TDRD7: variants seen among roughly 807,000 people sequenced by gnomAD.
TDRD7 encodes tudor domain-containing protein 7.
A neutral mutation model predicts 109.8 loss-of-function variants in TDRD7; 47 were observed. The observed-to-expected ratio is 0.43, with a 90% CI of 0.34 to 0.55. TDRD7 has a LOEUF of 0.55. Among genes scored for constraint, TDRD7 ranks in the 20% least tolerant of loss-of-function variants. The pLI is 0.03. For synonymous variants in TDRD7, 424 were observed against 457.3 expected, an observed-to-expected ratio of 0.93 and a Z score of 0.93; for missense variants, 1,164 against 1,319.2, an observed-to-expected ratio of 0.88 and a Z score of 1.82.
intron 15 of TDRD7, among the ~76,000 whole-genome samples, chr9:97,486,299 T>C (rs1171708446): frequency 1.3e-5 from 2 of 152,216 alleles, no homozygotes; most frequent in East Asian, 1.9e-4. Context: ...TAATCATGTA[T>C]TTGAGACTAT....
intron 6 of TDRD7, among the ~76,000 whole-genome samples, chr9:97,451,964 A>G (rs893874956): frequency 1.3e-5 from 2 of 152,274 alleles, no homozygotes; most frequent in African/African-American, 4.8e-5. Flanking sequence ...TGTGTTTTCC[A>G]TACTCATAAC....
At chr9:97,488,502 G>T (rs771702573) in intron 16 of TDRD7, among the ~76,000 whole-genome samples, 2 of 151,220 alleles carry the variant, frequency 1.3e-5, no homozygotes, top group Non-Finnish European at 2.9e-5. Flanking sequence ...ACACTGTCAT[G>T]TAGCATGGCC....
intron 6 of TDRD7, among the ~76,000 whole-genome samples, chr9:97,457,967 T>A (rs905314763): frequency 3.3e-5 from 5 of 152,076 alleles, no homozygotes; most frequent in South Asian, 2.1e-4. Context: ...GAACAACACT[T>A]ACCAGGGCCT....
chr9:97,475,302 A>G (rs1828998837), intron 11 of TDRD7, 81 bp from the exon 12 acceptor site: 8 of 1,122,336 alleles, frequency 7.1e-6, no homozygotes, highest in African/African-American at 6.1e-5. Flanking sequence ...TGCCAGTGCC[A>G]CAGCGATCTG....
At chr9:97,431,990 C>G (rs1280904197) in intron 3 of TDRD7, 35 bp from the exon 4 acceptor site, 1 of 1,584,226 alleles carries the variant, frequency 6.3e-7, no homozygotes, top group African/African-American at 1.3e-5. Context: ...TTTGGGGATG[C>G]TAATTGATTT....
At chr9:97,446,486 A>G (rs1015467679) in intron 6 of TDRD7, among the ~76,000 whole-genome samples, 1 of 152,226 alleles carries the variant, frequency 6.6e-6, no homozygotes, top group Non-Finnish European at 1.5e-5. Flanking sequence ...AAAACTGCCT[A>G]ATTACACTAA....
Position 97,476,244 on chromosome 9 carries a change from C to A in TDRD7, c.2166+775C>A, listed in dbSNP as rs113394963. On this transcript the variant is annotated intron_variant, in intron 12 of 16. Transcript: ENST00000355295. ...CCTGCCTGGATCTAAGGCCATGTCT[C>A]CTGCCCAAGACAATTTTGGCTTTAA... is the stretch of plus-strand genomic sequence containing the variant. 9.2e-5 allele frequency among the ~76,000 whole-genome samples: 14 copies of A among 152,292 alleles called. 2 individuals carry two copies. The highest frequency in any genetic ancestry group is 3.4e-4 in the African/African-American group (14 of 41,566).
intron 13 of TDRD7, among the ~76,000 whole-genome samples, chr9:97,479,744 T>C (rs1281524660): frequency 2.6e-5 from 4 of 152,184 alleles, no homozygotes; most frequent in African/African-American, 9.7e-5. Context: ...GGCTCTTGGC[T>C]CTTACAGTAT....
chr9:97,430,206 A>C (rs1245460294), intron 2 of TDRD7, among the ~76,000 whole-genome samples: 1 of 151,962 alleles, frequency 6.6e-6, no homozygotes, highest in African/African-American at 2.4e-5. Context: ...TATCATACCA[A>C]TTTTTTCTTT....
Position 97,426,426 on chromosome 9 carries a change from A to G in TDRD7, c.-6-2034A>G, listed in dbSNP as rs1191059494. Among the ~76,000 whole-genome samples, 4 of 151,840 alleles carry G rather than the reference A, an allele frequency of 2.6e-5. No homozygotes were observed. The East Asian group carries it at 7.7e-4, about 29-fold the overall frequency. On this transcript the variant is annotated intron_variant, in intron 1 of 16. Transcript: ENST00000355295. ...GCTGCCACATCCAGCTAATTTTTCT[A>G]TTTTTTGTAGAGATGGGGTTTCGCC...
In TDRD7 at chr9:97,439,347, A is replaced by G. The variant is rs754726277; in HGVS notation, c.637+29A>G. ...TGTTTTCCAAACATTTTTGAGATAC[A>G]TATTGGCTTCCGGAGTCAAGAAACA... On this transcript the variant is annotated intron_variant, in intron 5 of 16. Coordinates refer to ENST00000355295, the MANE Select transcript of TDRD7 (RefSeq NM_014290.3). 37 of 1,576,870 alleles carry G rather than the reference A, an allele frequency of 2.3e-5. No homozygotes were observed. In the South Asian group the frequency reaches 3.9e-4, roughly 17 times the overall value.
At chr9:97,417,062 C>T (rs12005534) in intron 1 of TDRD7, among the ~76,000 whole-genome samples, 22 of 152,054 alleles carry the variant, frequency 1.4e-4, no homozygotes, top group Non-Finnish European at 2.4e-4. Context: ...CAGTTGAGCA[C>T]GTACTTTAGC....
In TDRD7 at chr9:97,482,909, T is replaced by C. The variant is rs1829139406; in HGVS notation, c.2473T>C (p.Phe825Leu). 1.2e-6 allele frequency: 2 copies of C among 1,614,194 alleles called. No homozygotes were observed. Among genetic ancestry groups the C allele is most frequent in the Non-Finnish European group, 8.5e-7 (1 of 1,180,024 alleles). Residue 825 changes from phenylalanine to leucine, a missense_variant, in exon 15 of 17, where the codon TTC becomes CTC. By Grantham distance (22) the Phe-to-Leu change is conservative. This residue lies in a region of TDRD7 where 233 missense variants were observed against 218.0 expected (regional missense o/e 1.07). Transcript: ENST00000355295. ...TGTTTATTTATTTACCCCTAAGAAC[T>C]TCCCTGACCCTCATCGCAGTATTAA... ...AHVYLFTPKN[F>L]PDPHRSINRQ...
At chr9:97,473,415 T>A in intron 10 of TDRD7, 77 bp from the exon 11 acceptor site, 1 of 1,589,984 alleles carries the variant, frequency 6.3e-7, no homozygotes, top group Non-Finnish European at 8.6e-7. Context: ...ATGGGATGTT[T>A]AGGTAGATAC....
chr9:97,465,074 T>A (rs746012560), intron 8 of TDRD7, 46 bp downstream of exon 8: 1 of 1,568,174 alleles, frequency 6.4e-7, no homozygotes, highest in South Asian at 1.2e-5. Context: ...ACAAATACCT[T>A]ATTATTTTCC....
chr9:97,486,909 C>G (rs1829220729), intron 15 of TDRD7, among the ~76,000 whole-genome samples: 1 of 152,158 alleles, frequency 6.6e-6, no homozygotes, highest in South Asian at 2.1e-4. Context: ...TTATATGTCT[C>G]TTTCCTTCAC....
At chr9:97,481,830 T>A (rs577637395) in intron 14 of TDRD7, among the ~76,000 whole-genome samples, 4 of 152,218 alleles carry the variant, frequency 2.6e-5, no homozygotes, top group Non-Finnish European at 4.4e-5. Flanking sequence ...CAAAATGAAT[T>A]TGCAGTCAGT....
intron 15 of TDRD7, among the ~76,000 whole-genome samples, chr9:97,486,638 C>T (rs994752102): frequency 1.3e-5 from 2 of 152,228 alleles, no homozygotes; most frequent in African/African-American, 4.8e-5. Flanking sequence ...TTCTTCCACA[C>T]ATTCCACTCT....
chr9:97,441,766 A>G lies in TDRD7; in HGVS notation c.746A>G (p.Asn249Ser). 6.2e-7 allele frequency: 1 copy of G among 1,613,888 alleles called. No individual in the cohort carries two copies. The highest frequency in any genetic ancestry group is 1.1e-5 in the South Asian group (1 of 91,086). The change falls in exon 6 of 17, where the codon AAC (asparagine) becomes AGC (serine). Residue 249 changes from asparagine (N) to serine (S), a missense_variant. Asn to Ser is a conservative substitution (Grantham distance 46). Coordinates refer to ENST00000355295, the MANE Select transcript of TDRD7 (RefSeq NM_014290.3). ...ATAAAGGAAATACTAAACAAGCATA[A>G]CAATGGCATTTGGATATCTAAGCTT... is the stretch of plus-strand genomic sequence containing the variant. ...NRIKEILNKHNNGIWISKLPH... is the reference protein window; with the variant it reads ...NRIKEILNKHSNGIWISKLPH...
Sources: gnomAD v4.1 joint callset for allele counts (sites outside exome capture counted in the v4.1 genomes callset) on GRCh38, gnomAD v4.1.1 for gene constraint, gnomAD v4.1.1 regional missense constraint, MANE v1.5 for transcripts, NCBI Gene and HGNC (gene_info 2026-07-23, HGNC 2026-07-21) for gene names.